The following PPT2 variants were observed in gnomAD, a reference collection of about 807,000 sequenced individuals.
The protein encoded by PPT2 is lysosomal thioesterase PPT2.
Under a neutral mutation model 37.3 loss-of-function variants are expected in PPT2, and 20 were observed. The observed-to-expected ratio is 0.54, with a 90% CI of 0.38 to 0.78. The LOEUF (loss-of-function observed/expected upper bound fraction) is 0.78. Among genes scored for constraint, PPT2 ranks in the 30% least tolerant of loss-of-function variants. The probability of loss-of-function intolerance (pLI) is 0.00; values close to 1 mark genes in which losing one functional copy is unlikely to be tolerated. For missense variants in PPT2, 270 were observed against 389.8 expected, an observed-to-expected ratio of 0.69 and a Z score of 2.59; for synonymous variants, 135 against 159.1, an observed-to-expected ratio of 0.85 and a Z score of 1.14.
At position 32,155,672 on chromosome 6, in the gene PPT2, G is replaced by A. The variant is rs201963448; in HGVS notation, c.338-16G>A. On this transcript the variant is annotated splice_polypyrimidine_tract_variant and intron_variant, in intron 3 of 8. Transcript: ENST00000324816. This position sits in a 1 kb window ranked among gnomAD's most constrained non-coding sequence, Gnocchi z 4.3. Reference sequence around the variant, plus strand: ...CTGTCCTTAAGTGCCTGCCCAATGTGGTGTTCTGCTTACAGGGGGCCTTGT... The same window carrying A: ...CTGTCCTTAAGTGCCTGCCCAATGTAGTGTTCTGCTTACAGGGGGCCTTGT... The A allele has an allele frequency of 7.4e-6, 12 of 1,610,884 alleles. No individual in the cohort carries two copies. In the East Asian group the frequency reaches 2.5e-4, roughly 33 times the overall value.
At position 32,155,260 on chromosome 6, in the gene PPT2, C is replaced by A; in HGVS notation, c.337+77C>A. ...TTATCTGAGGGACACTTCCTAGCGT[C>A]CCTTTTTCTGAACCACATTGCTCCA... On this transcript the variant is annotated intron_variant, in intron 3 of 8. Coordinates refer to ENST00000324816, the MANE Select transcript of PPT2 (RefSeq NM_005155.7). The surrounding 1 kb of genome is among the most constrained non-coding windows in gnomAD (Gnocchi z 4.3). The A allele has an allele frequency of 6.5e-7, 1 of 1,545,122 alleles. No individual in the cohort carries two copies. Among genetic ancestry groups the A allele is most frequent in the Non-Finnish European group, 8.9e-7 (1 of 1,128,478 alleles).
At chr6:32,158,092 C>T (rs1582616430) in intron 7 of PPT2, 168 bp downstream of exon 7, 8 of 598,432 alleles carry the variant, frequency 1.3e-5, no homozygotes, top group Non-Finnish European at 2.3e-5. Context: ...ATCCCAACCC[C>T]TTGTATCAAG....
At chr6:32,157,089 G>A (rs1276598863) in intron 5 of PPT2, 1 of 153,652 alleles carries the variant, frequency 6.5e-6, no homozygotes, top group Non-Finnish European at 1.4e-5. Flanking sequence ...GCTGAGTCAG[G>A]AGAATTGCTT....
rs574146458 is a variant in PPT2 at position 32,157,834 on chromosome 6, C to G, written c.626-6C>G. On this transcript the variant is annotated splice_region_variant and splice_polypyrimidine_tract_variant and intron_variant, in intron 6 of 8. Coordinates refer to ENST00000324816, the MANE Select transcript of PPT2 (RefSeq NM_005155.7). ...TGACTCAGCCTCTCTTCTTCCCATC[C>G]TACAGTATGGCGGAAGAACTTTCTG... The G allele has an allele frequency of 6.8e-6, 11 of 1,611,888 alleles. No individual in the cohort carries two copies. In the Admixed American group the frequency reaches 8.3e-5, roughly 12 times the overall value.
Position 32,162,511 on chromosome 6 carries a change from C to A in PPT2, c.711-57C>A. The A allele has an allele frequency of 6.6e-7, 1 of 1,521,478 alleles. No individual in the cohort carries two copies. The highest frequency in any genetic ancestry group is 9.1e-7 in the Non-Finnish European group (1 of 1,096,430). 94.2% of individuals were successfully genotyped at this position (1,521,478 alleles called of 1,614,324 possible). A position where few individuals can be genotyped will look rare whatever the true frequency, so the allele number is the denominator to read the frequency against. Reference sequence around the variant, plus strand: ...CTGCAATTACAGGCGTGTGCCACTGCGCCCGGCCAGATTTTCTCCAGCTCT... The same window carrying A: ...CTGCAATTACAGGCGTGTGCCACTGAGCCCGGCCAGATTTTCTCCAGCTCT... On this transcript the variant is annotated intron_variant, in intron 7 of 8. Coordinates refer to ENST00000324816, the MANE Select transcript of PPT2 (RefSeq NM_005155.7). This position sits in a 1 kb window ranked among gnomAD's most constrained non-coding sequence, Gnocchi z 5.5.
chr6:32,153,919 T>C (rs1783530717), upstream of PPT2: 3 of 1,360,946 alleles, frequency 2.2e-6, no homozygotes, highest in Non-Finnish European at 2.9e-6. The surrounding 1 kb of genome is among the most constrained non-coding windows in gnomAD (Gnocchi z 4.4). Flanking sequence ...AGAGGCCTTC[T>C]TTCCATTCCC....
rs1372580878 is a variant in PPT2 at position 32,162,139 on chromosome 6, A to C, written c.711-429A>C. ...TGTCCTCCCTGCTACCTGTCTCCCC[A>C]GTAGGCCTTGGGTTCCTTTGGGACC... On this transcript the variant is annotated intron_variant, in intron 7 of 8. Transcript: ENST00000324816. This position sits in a 1 kb window ranked among gnomAD's most constrained non-coding sequence, Gnocchi z 5.5. Among the ~76,000 whole-genome samples, 1 of 152,208 alleles carries C rather than the reference A, an allele frequency of 6.6e-6. No homozygotes were observed. The highest frequency in any genetic ancestry group is 1.5e-5 in the Non-Finnish European group (1 of 68,040).
At chr6:32,159,723 C>T (rs1784027350) in intron 7 of PPT2, among the ~76,000 whole-genome samples, 1 of 150,712 alleles carries the variant, frequency 6.6e-6, no homozygotes, top group South Asian at 2.1e-4. Flanking sequence ...ACTGTTTCTT[C>T]CTTTTTTTTT....
In PPT2 at chr6:32,155,580, G is replaced by GTC. The variant is rs71536113; in HGVS notation, c.338-104_338-103dup. The GTC allele has an allele frequency of 1.2e-4, 93 of 797,328 alleles. 1 individual carries two copies. Among genetic ancestry groups the GTC allele is most frequent in the African/African-American group, 1.1e-3 (52 of 46,220 alleles). The allele number at this position is 797,328 out of a possible 1,614,324, so 49.4% of individuals were successfully genotyped here. ...TTGTGTACAGTGTGTGTCTGTGTGT[G>GTC]TCTCTGTGTGTGTGTGTGTGTGTGT... On this transcript the variant is annotated intron_variant, in intron 3 of 8. Transcript: ENST00000324816. The surrounding 1 kb of genome is among the most constrained non-coding windows in gnomAD (Gnocchi z 4.3).
upstream of PPT2, chr6:32,153,737 C>T (rs931452004): frequency 7.1e-7 from 1 of 1,416,390 alleles, no homozygotes; most frequent in Non-Finnish European, 9.6e-7. The surrounding 1 kb of genome is among the most constrained non-coding windows in gnomAD (Gnocchi z 4.4). Flanking sequence ...TGCCACTCAC[C>T]CAGCACACGG....
At position 32,157,905 on chromosome 6, in the gene PPT2, A is replaced by T. The variant is rs1295298058; in HGVS notation, c.691A>T (p.Ile231Phe). The change falls in exon 7 of 9, where the codon ATT becomes TTT. Residue 231 changes from isoleucine (I) to phenylalanine (F), a missense_variant. Coordinates refer to ENST00000324816, the MANE Select transcript of PPT2 (RefSeq NM_005155.7). ...VLIGGPDDGV[I>F]TPWQSSFFGF... is the part of the protein sequence containing the mutation. The stretch of plus-strand genomic sequence containing the variant: ...GATTGGGGGCCCTGATGATGGTGTT[A>T]TTACTCCCTGGCAGTCCAGGTAATA... 1 of 1,611,954 alleles carries T rather than the reference A, an allele frequency of 6.2e-7. No homozygotes were observed. Among genetic ancestry groups the T allele is most frequent in the South Asian group, 1.1e-5 (1 of 90,994 alleles).
Position 32,156,049 on chromosome 6 carries a change from G to A in PPT2, c.541+71G>A. On this transcript the variant is annotated intron_variant, in intron 5 of 8. Coordinates refer to ENST00000324816, the MANE Select transcript of PPT2 (RefSeq NM_005155.7). This position sits in a 1 kb window ranked among gnomAD's most constrained non-coding sequence, Gnocchi z 4.9. ...GCTTCCACCTCTGCTACAACCAATA[G>A]CAGTGATGACAATAAAGATAACTTA... 1.8e-6 allele frequency: 2 copies of A among 1,106,866 alleles called. No homozygotes were observed. Among genetic ancestry groups the A allele is most frequent in the Non-Finnish European group, 2.8e-6 (2 of 723,878 alleles). The allele number at this position is 1,106,866 out of a possible 1,614,324, so 68.6% of individuals were successfully genotyped here.
rs28359849 is a variant in PPT2, at chr6:32,155,584, CTGTGTGTGTGTGTGTG to C, written c.338-85_338-70del. Reference sequence around the variant, plus strand: ...GTACAGTGTGTGTCTGTGTGTGTCTCTGTGTGTGTGTGTGTGTGTGTGTGTGTGTGTGTGGTGGGGG... The same window carrying C: ...GTACAGTGTGTGTCTGTGTGTGTCTCTGTGTGTGTGTGTGTGTGGTGGGGG... On this transcript the variant is annotated intron_variant, in intron 3 of 8. Transcript: ENST00000324816. This position sits in a 1 kb window ranked among gnomAD's most constrained non-coding sequence, Gnocchi z 4.3. 5.0e-3 allele frequency: 3,465 copies of C among 698,696 alleles called. 14 individuals are homozygous for C. The highest frequency in any genetic ancestry group is 5.9e-3 in the Non-Finnish European group (2,425 of 409,090). 43.3% of individuals were successfully genotyped at this position (698,696 alleles called of 1,614,324 possible).
At position 32,155,619 on chromosome 6, in the gene PPT2, G is replaced by GTGTGTGTGTGT; in HGVS notation, c.338-67_338-66insTGTGTGTGTTG. ...GTGTGTGTGTGTGTGTGTGTGTGTG[G>GTGTGTGTGTGT]TGGGGGTGGGGGGTGCTGCTGGCTT... On this transcript the variant is annotated intron_variant, in intron 3 of 8. Coordinates refer to ENST00000324816, the MANE Select transcript of PPT2 (RefSeq NM_005155.7). This position sits in a 1 kb window ranked among gnomAD's most constrained non-coding sequence, Gnocchi z 4.3. 1.1e-6 allele frequency: 1 copy of GTGTGTGTGTGT among 886,258 alleles called. No individual in the cohort carries two copies. Among genetic ancestry groups the GTGTGTGTGTGT allele is most frequent in the Non-Finnish European group, 1.8e-6 (1 of 558,064 alleles). 54.9% of individuals were successfully genotyped at this position (886,258 alleles called of 1,614,324 possible).
Position 32,154,570 on chromosome 6 carries a change from T to C in PPT2, c.-8-17T>C. 2 of 1,602,440 alleles carry C rather than the reference T, an allele frequency of 1.2e-6. No homozygotes were observed. The highest frequency in any genetic ancestry group is 1.1e-5 in the South Asian group (1 of 90,036). On this transcript the variant is annotated splice_polypyrimidine_tract_variant and intron_variant, in intron 1 of 8. Transcript: ENST00000324816. The surrounding 1 kb of genome is among the most constrained non-coding windows in gnomAD (Gnocchi z 7.3). ...TGTTGCCATCTCCCTCACATGCCCTTATCACCCCTTTCTCAGGCGGGAGCA... is the reference window on the plus strand; with the variant it reads ...TGTTGCCATCTCCCTCACATGCCCTCATCACCCCTTTCTCAGGCGGGAGCA...
chr6:32,163,045 C>A lies in PPT2; in HGVS notation c.*95C>A. 2.9e-6 allele frequency: 4 copies of A among 1,366,208 alleles called. No individual in the cohort carries two copies. The highest frequency in any genetic ancestry group is 4.0e-6 in the Non-Finnish European group (4 of 996,136). 84.6% of individuals were successfully genotyped at this position (1,366,208 alleles called of 1,614,324 possible). ...CAGGCTTTGGTGTGCCTGTGACCAC[C>A]TCATTGCTCCCATATTATCCCCCAT... On this transcript the variant is annotated 3_prime_UTR_variant, in exon 9 of 9. Transcript: ENST00000324816.
In PPT2 at chr6:32,163,045, C is replaced by T. The variant is rs1784270110; in HGVS notation, c.*95C>T. The T allele has an allele frequency of 7.3e-7, 1 of 1,366,208 alleles. No individual in the cohort carries two copies. The highest frequency in any genetic ancestry group is 1.0e-6 in the Non-Finnish European group (1 of 996,136). 84.6% of individuals were successfully genotyped at this position (1,366,208 alleles called of 1,614,324 possible). ...CAGGCTTTGGTGTGCCTGTGACCAC[C>T]TCATTGCTCCCATATTATCCCCCAT... On this transcript the variant is annotated 3_prime_UTR_variant, in exon 9 of 9. Transcript: ENST00000324816.
rs759526196 is a variant in PPT2, at chr6:32,154,729, C to G, written c.135C>G (p.Leu45=). 333 of 1,613,030 alleles carry G rather than the reference C, an allele frequency of 2.1e-4. 1 individual carries two copies. In the Admixed American group the frequency reaches 3.6e-3, roughly 18 times the overall value. Reference sequence around the variant, plus strand: ...AGCCGGTCATCGTGGTGCATGGGCTCTTCGACAGCTCGTACAGCTTCCGCC... The same window carrying G: ...AGCCGGTCATCGTGGTGCATGGGCTGTTCGACAGCTCGTACAGCTTCCGCC... ...SYKPVIVVHG[L]FDSSYSFRHL... Residue 45 remains leucine, a synonymous_variant, in exon 2 of 9, where the codon CTC becomes CTG. Transcript: ENST00000324816. The surrounding 1 kb of genome is among the most constrained non-coding windows in gnomAD (Gnocchi z 7.3).
chr6:32,159,615 G>C (rs1181879447), intron 7 of PPT2, among the ~76,000 whole-genome samples: 1 of 151,108 alleles, frequency 6.6e-6, no homozygotes, highest in Non-Finnish European at 1.5e-5. Context: ...AATAGTAAGT[G>C]ATGAGTTTTA....
Sources: gnomAD v4.1 joint callset for allele counts (sites outside exome capture counted in the v4.1 genomes callset) on GRCh38, gnomAD v4.1.1 for gene constraint, Gnocchi (gnomAD v3.1) non-coding constraint, MANE v1.5 for transcripts, NCBI Gene and HGNC (gene_info 2026-07-23, HGNC 2026-07-21) for gene names.